NUMB: variants seen among roughly 807,000 people sequenced by gnomAD.
NUMB encodes the protein NUMB endocytic adaptor protein.
In NUMB, 29 loss-of-function variants were observed where a neutral mutation model predicts 59.7. That is an observed-to-expected ratio of 0.49 (90% CI 0.36 to 0.66). The LOEUF (loss-of-function observed/expected upper bound fraction) is 0.66, where lower values mean the gene tolerates loss of function less well. NUMB is among the 30% of genes least tolerant of loss of function. The pLI, the probability that NUMB is intolerant of heterozygous loss-of-function variation, is 0.00. For missense variants in NUMB, 723 were observed against 822.0 expected, an observed-to-expected ratio of 0.88 and a Z score of 1.47; for synonymous variants, 288 against 288.2, an observed-to-expected ratio of 1.00 and a Z score of 0.01.
At chr14:73,297,136 C>T (rs968823810) in intron 7 of NUMB, 75 bp downstream of exon 7, 88 of 1,003,832 alleles carry the variant, frequency 8.8e-5, no homozygotes, top group Non-Finnish European at 9.8e-5. Context: ...CATTGCACTC[C>T]AGCCTGGGTG....
intron 6 of NUMB, among the ~76,000 whole-genome samples, chr14:73,311,060 T>C (rs1890752731): frequency 6.6e-6 from 1 of 152,054 alleles, no homozygotes. Context: ...ATTTATTTAT[T>C]TATTTATTTT....
At chr14:73,317,825 T>G (rs1433694498) in intron 5 of NUMB, among the ~76,000 whole-genome samples, 1 of 152,230 alleles carries the variant, frequency 6.6e-6, no homozygotes, top group Admixed American at 6.5e-5. Flanking sequence ...CTAGCTGTGG[T>G]TGAAATATAC....
chr14:73,326,182 G>T (rs1291217915), intron 4 of NUMB, among the ~76,000 whole-genome samples: 4 of 152,196 alleles, frequency 2.6e-5, no homozygotes, highest in Admixed American at 1.3e-4. Context: ...GCACAGGTAA[G>T]AATCTGATTC....
At chr14:73,357,883 C>CT (rs1893886975) in intron 3 of NUMB, among the ~76,000 whole-genome samples, 2 of 77,014 alleles carry the variant, frequency 2.6e-5, no homozygotes, top group Admixed American at 1.8e-4. Context: ...TATCCTGAGG[C>CT]CCCCCCCAAA....
At chr14:73,349,310 G>A (rs750180345) in intron 4 of NUMB, among the ~76,000 whole-genome samples, 2 of 151,844 alleles carry the variant, frequency 1.3e-5, no homozygotes, top group African/African-American at 2.4e-5. Context: ...AAATTAGGCC[G>A]GGCACAGTGG....
At chr14:73,285,409 A>C (rs951054297) in intron 9 of NUMB, 3 of 152,136 alleles carry the variant, frequency 2.0e-5, no homozygotes, top group Non-Finnish European at 4.4e-5. Context: ...TAGTCTGAAG[A>C]CCACTAAAGC....
intron 3 of NUMB, among the ~76,000 whole-genome samples, chr14:73,364,802 T>G (rs1440504533): frequency 6.6e-6 from 1 of 152,074 alleles, no homozygotes; most frequent in Non-Finnish European, 1.5e-5. Flanking sequence ...TGCCTAGTTT[T>G]TATTTATTTA....
intron 4 of NUMB, among the ~76,000 whole-genome samples, chr14:73,329,960 G>A (rs532045541): frequency 6.6e-6 from 1 of 152,308 alleles, no homozygotes; most frequent in South Asian, 2.1e-4. Flanking sequence ...TGCACCTCCT[G>A]TACCTCTGAT....
intron 1 of NUMB, among the ~76,000 whole-genome samples, chr14:73,451,480 T>C (rs1160965073): frequency 1.3e-5 from 2 of 149,620 alleles, no homozygotes; most frequent in Admixed American, 1.3e-4. Flanking sequence ...CCAGGCATAG[T>C]GGCATGCCCC....
intron 1 of NUMB, among the ~76,000 whole-genome samples, chr14:73,440,390 G>C (rs983184594): frequency 2.0e-5 from 3 of 151,840 alleles, no homozygotes; most frequent in Non-Finnish European, 4.4e-5. Flanking sequence ...AGACTTAAAT[G>C]TAAGAGCCAA....
At chr14:73,374,252 T>C (rs534237538) in intron 2 of NUMB, among the ~76,000 whole-genome samples, 1 of 152,318 alleles carries the variant, frequency 6.6e-6, no homozygotes, top group South Asian at 2.1e-4. Context: ...ACTCCTGGCC[T>C]CATGCAGTCC....
chr14:73,285,399 T>C (rs188476577), intron 9 of NUMB: 2 of 152,236 alleles, frequency 1.3e-5, no homozygotes, highest in East Asian at 3.9e-4. Flanking sequence ...AATTAGTGAA[T>C]AGTCTGAAGA....
At chr14:73,351,453 A>G (rs8009850) in intron 4 of NUMB, among the ~76,000 whole-genome samples, 121,790 of 152,080 alleles carry the variant, frequency 0.8, 49,323 homozygotes, top group African/African-American at 0.92. Context: ...GCGCCACTGC[A>G]CTCCAGCCTG....
chr14:73,454,433 T>C (rs1170852882), intron 1 of NUMB, among the ~76,000 whole-genome samples: 1 of 152,232 alleles, frequency 6.6e-6, no homozygotes, highest in Non-Finnish European at 1.5e-5. Context: ...AGGGGTTTTA[T>C]ACTTTTAGAG....
At chr14:73,420,570 A>G (rs1012472512) in intron 1 of NUMB, among the ~76,000 whole-genome samples, 4 of 152,186 alleles carry the variant, frequency 2.6e-5, no homozygotes, top group Admixed American at 2.6e-4. Flanking sequence ...CTGTAATCCC[A>G]GCACTTTGGG....
At chr14:73,346,196 TA>T (rs1892909198) in intron 4 of NUMB, among the ~76,000 whole-genome samples, 1 of 152,054 alleles carries the variant, frequency 6.6e-6, no homozygotes, top group South Asian at 2.1e-4. Context: ...ATTATCTCTG[TA>T]GGCTGGGTGC....
At chr14:73,414,549 A>G (rs1035029586) in intron 1 of NUMB, among the ~76,000 whole-genome samples, 8 of 151,300 alleles carry the variant, frequency 5.3e-5, no homozygotes, top group Admixed American at 5.3e-4. Flanking sequence ...CAAGCCAGCA[A>G]CACCCAGCTA....
intron 1 of NUMB, among the ~76,000 whole-genome samples, chr14:73,448,177 T>C (rs1348503665): frequency 6.6e-6 from 1 of 152,136 alleles, no homozygotes; most frequent in East Asian, 1.9e-4. Context: ...ACAGGAAATA[T>C]CTTTCCTTCA....
intron 4 of NUMB, among the ~76,000 whole-genome samples, chr14:73,352,654 C>T (rs1297865314): frequency 6.8e-6 from 1 of 146,476 alleles, no homozygotes; most frequent in African/African-American, 2.5e-5. Context: ...CCTGCCTCAG[C>T]CTCCCGAGTA....
Sources: gnomAD v4.1 joint callset for allele counts (sites outside exome capture counted in the v4.1 genomes callset) on GRCh38, gnomAD v4.1.1 for gene constraint, MANE v1.5 for transcripts, NCBI Gene and HGNC (gene_info 2026-07-23, HGNC 2026-07-21) for gene names.